DNAH9: variants seen among roughly 807,000 people sequenced by gnomAD.
DNAH9 encodes the protein dynein axonemal heavy chain 9, also known as DNAH9 variant protein.
A neutral mutation model predicts 471.6 loss-of-function variants in DNAH9; 345 were observed. The observed-to-expected ratio is 0.73, with a 90% CI of 0.67 to 0.80. DNAH9 has a LOEUF of 0.80. DNAH9 is among the 30% of genes least tolerant of loss of function. DNAH9 has a pLI of 0.00. For synonymous variants in DNAH9, 2,093 were observed against 2,123.6 expected (o/e 0.99, Z 0.40); for missense variants, 5,407 against 5,609.2 (o/e 0.96, Z 1.15).
chr17:11,937,466 CT>C lies in DNAH9; in HGVS notation c.12605del (p.Leu4202ArgfsTer31). 2 of 1,613,960 alleles carry C rather than the reference CT, an allele frequency of 1.2e-6. No homozygotes were observed. Among genetic ancestry groups the C allele is most frequent in the Non-Finnish European group, 1.7e-6 (2 of 1,179,882 alleles). Reference protein sequence around the residue: ...SEKLFRTVLELQPRDSQARDG... With the variant: ...SEKLFRTVLEXQPRDSQARDG... ...AAAGCTCTTCCGCACTGTGCTGGAG[CT>C]GCAGCCTCGGGACAGCCAGGCCAGA... On this transcript the variant is annotated frameshift_variant, in exon 66 of 69. Transcript: ENST00000262442. LOFTEE classifies it high-confidence loss of function. The surrounding 1 kb of genome is among the most constrained non-coding windows in gnomAD (Gnocchi z 4.1).
At chr17:11,914,142 G>A (rs1973869743) in intron 61 of DNAH9, among the ~76,000 whole-genome samples, 1 of 152,160 alleles carries the variant, frequency 6.6e-6, no homozygotes, top group Non-Finnish European at 1.5e-5. Context: ...AAAGAAGAAT[G>A]TTCTTAGCAC....
At chr17:11,735,593 G>C (rs927433665) in intron 28 of DNAH9, among the ~76,000 whole-genome samples, 1 of 152,014 alleles carries the variant, frequency 6.6e-6, no homozygotes, top group Non-Finnish European at 1.5e-5. Context: ...GTGCCACCAG[G>C]CCTGGCTAAT....
chr17:11,748,767 A>G (rs561556847), intron 32 of DNAH9, among the ~76,000 whole-genome samples: 15 of 152,304 alleles, frequency 9.8e-5, no homozygotes, highest in African/African-American at 3.4e-4. Flanking sequence ...TGAGGGGGAA[A>G]AAAAGAGGTC....
chr17:11,670,427 G>GA (rs1376166581), intron 17 of DNAH9, among the ~76,000 whole-genome samples: 1 of 152,022 alleles, frequency 6.6e-6, no homozygotes, highest in Non-Finnish European at 1.5e-5. Context: ...TTAGAATCTC[G>GA]ACCCCCTTCT....
intron 45 of DNAH9, among the ~76,000 whole-genome samples, chr17:11,812,220 C>G (rs1464647773): frequency 6.6e-6 from 1 of 150,824 alleles, no homozygotes; most frequent in Non-Finnish European, 1.5e-5. Context: ...ATTGAGAAAA[C>G]AGTCAGTGTA....
At chr17:11,918,843 G>A (rs983041124) in intron 61 of DNAH9, among the ~76,000 whole-genome samples, 21 of 152,028 alleles carry the variant, frequency 1.4e-4, no homozygotes, top group African/African-American at 4.6e-4. Context: ...AAAATTAGCC[G>A]GGAGTGGTGG....
intron 22 of DNAH9, among the ~76,000 whole-genome samples, chr17:11,694,673 G>T (rs374803864): frequency 0.26 from 681 of 2,664 alleles, 216 homozygotes; most frequent in Non-Finnish European, 0.47. Context: ...TCGCTTTCTC[G>T]CTTTCTCGCT....
At chr17:11,906,666 A>G (rs1043555244) in intron 61 of DNAH9, among the ~76,000 whole-genome samples, 2 of 151,850 alleles carry the variant, frequency 1.3e-5, no homozygotes, top group African/African-American at 4.8e-5. Flanking sequence ...ATACATATAT[A>G]CCATGGAATA....
At chr17:11,654,955 CT>C (rs2073607605) in intron 14 of DNAH9, among the ~76,000 whole-genome samples, 1 of 152,074 alleles carries the variant, frequency 6.6e-6, no homozygotes, top group Non-Finnish European at 1.5e-5. Context: ...AAATACAAAA[CT>C]TAGTAATTAG....
intron 43 of DNAH9, among the ~76,000 whole-genome samples, chr17:11,801,843 C>G (rs1969473358): frequency 6.6e-6 from 1 of 152,068 alleles, no homozygotes; most frequent in African/African-American, 2.4e-5. Context: ...GTAAGTGATT[C>G]CATCAATGTG....
intron 10 of DNAH9, 49 bp from the exon 11 acceptor site, chr17:11,644,582 C>A: frequency 1.4e-6 from 2 of 1,386,818 alleles, no homozygotes; most frequent in Non-Finnish European, 2.0e-6. Flanking sequence ...CGGATTATTA[C>A]TTTAACTTCT....
At chr17:11,614,160 C>G (rs2072694180) in intron 4 of DNAH9, among the ~76,000 whole-genome samples, 1 of 152,154 alleles carries the variant, frequency 6.6e-6, no homozygotes, top group South Asian at 2.1e-4. Context: ...TTGGCAGGAT[C>G]TTCTAAGCTG....
intron 41 of DNAH9, 71 bp from the exon 42 acceptor site, chr17:11,793,432 G>A (rs1969129738): frequency 6.9e-7 from 1 of 1,440,968 alleles, no homozygotes; most frequent in African/African-American, 1.4e-5. Flanking sequence ...AAATGCTCCA[G>A]GAAGTTTTCC....
At chr17:11,716,398 G>A (rs750860567) in intron 26 of DNAH9, among the ~76,000 whole-genome samples, 26 of 151,342 alleles carry the variant, frequency 1.7e-4, no homozygotes, top group African/African-American at 3.6e-4. Flanking sequence ...TCTTTTTTGC[G>A]TTTTTTTTCA....
At chr17:11,704,580 T>TA in intron 25 of DNAH9, 138 bp downstream of exon 25, 17 of 660,874 alleles carry the variant, frequency 2.6e-5, no homozygotes, top group Non-Finnish European at 3.9e-5. Flanking sequence ...TGGCTGCTCC[T>TA]ACTTTTTTTT....
chr17:11,621,438 C>T (rs2072860898), intron 6 of DNAH9, among the ~76,000 whole-genome samples: 1 of 150,322 alleles, frequency 6.7e-6, no homozygotes, highest in South Asian at 2.1e-4. Context: ...AGACAAGAGC[C>T]AGAGGGACAG....
intron 49 of DNAH9, among the ~76,000 whole-genome samples, chr17:11,835,208 C>T (rs906678470): frequency 5.3e-5 from 8 of 152,274 alleles, no homozygotes; most frequent in African/African-American, 1.9e-4. Flanking sequence ...AGGCCAGACC[C>T]ATAAACTTAA....
chr17:11,727,933 G>A lies in DNAH9; in HGVS notation c.5814+11G>A, dbSNP rs1314367870. 1 of 1,570,100 alleles carries A rather than the reference G, an allele frequency of 6.4e-7. No homozygotes were observed. Among genetic ancestry groups the A allele is most frequent in the Non-Finnish European group, 8.8e-7 (1 of 1,139,932 alleles). On this transcript the variant is annotated intron_variant, in intron 28 of 68. Transcript: ENST00000262442. ...GTGGTGGCAGTGCAGGTAAGGGCCA[G>A]AAGTTGGTGGGAGCCTTGTGGTCTT...
intron 19 of DNAH9, among the ~76,000 whole-genome samples, chr17:11,687,645 C>G (rs1030968903): frequency 2.0e-5 from 3 of 152,114 alleles, no homozygotes; most frequent in Non-Finnish European, 4.4e-5. Flanking sequence ...ATGGTGAACC[C>G]CATGATGACG....
Sources: allele counts gnomAD v4.1 joint callset (sites outside exome capture counted in the v4.1 genomes callset), GRCh38; gene constraint gnomAD v4.1.1; non-coding constraint Gnocchi (gnomAD v3.1); transcripts MANE v1.5; gene names NCBI Gene and HGNC (gene_info 2026-07-23, HGNC 2026-07-21).